Variants in CYTL1 observed in about 807,000 individuals in gnomAD.
The protein encoded by CYTL1 is cytokine like 1.
CYTL1 carries 17 observed loss-of-function variants against 13.1 expected under a neutral mutation model. The ratio of observed to expected loss-of-function variants is 1.29; its 90% confidence interval spans 0.89 to 1.94. The LOEUF (loss-of-function observed/expected upper bound fraction) is 1.94. CYTL1 is among the 30% of genes most tolerant of loss of function. CYTL1 has a pLI of 0.00. For synonymous variants in CYTL1, 91 were observed against 79.4 expected (o/e 1.15, Z -0.78); for missense variants, 213 against 174.8 (o/e 1.22, Z -1.23).
chr4:5,015,139 G>A lies in CYTL1; in HGVS notation c.*12C>T, dbSNP rs746816904. The A allele has an allele frequency of 4.3e-6, 7 of 1,611,870 alleles. No individual in the cohort carries two copies. In the African/African-American group the frequency reaches 9.3e-5, roughly 22 times the overall value. On this transcript the variant is annotated 3_prime_UTR_variant, in exon 4 of 4. Transcript: ENST00000307746. ...GTAGTTCTCTTGGGTTCTTTCTCTG[G>A]TCTCAGTTCCCTTAGCGCTGACGAT...
Position 5,014,863 on chromosome 4 carries a change from A to G in CYTL1, c.*288T>C. 1 of 380,634 alleles carries G rather than the reference A, an allele frequency of 2.6e-6. No homozygotes were observed. The highest frequency in any genetic ancestry group is 4.8e-6 in the Non-Finnish European group (1 of 207,822). 23.6% of individuals were successfully genotyped at this position (380,634 alleles called of 1,614,324 possible). A position where few individuals can be genotyped will look rare whatever the true frequency, so the allele number is the denominator to read the frequency against. On this transcript the variant is annotated 3_prime_UTR_variant, in exon 4 of 4. Transcript: ENST00000307746. ...TCAAAATAGTTGTTCATAAAAGTGA[A>G]GCTTGTTAGTCCTTTTCTTCTTTTT...
chr4:5,017,222 T>C (rs1577595837), intron 1 of CYTL1, 43 bp from the exon 2 acceptor site: 2 of 1,597,174 alleles, frequency 1.3e-6, no homozygotes, highest in East Asian at 2.2e-5. Context: ...CACAGGGGCA[T>C]ACCTGGTCAC....
In CYTL1 at chr4:5,019,003, C is replaced by CTTTTTTTTTTTTTTTTTTTTT. The variant is rs1186542271; in HGVS notation, c.153+269_153+289dup. 1.0e-4 allele frequency among the ~76,000 whole-genome samples: 9 copies of CTTTTTTTTTTTTTTTTTTTTT among 89,644 alleles called. 1 individual carries two copies. The highest frequency in any genetic ancestry group is 2.6e-4 in the African/African-American group (6 of 22,880). 58.8% of individuals were successfully genotyped at this position (89,644 alleles called of 152,430 possible). On this transcript the variant is annotated intron_variant, in intron 1 of 3. Coordinates refer to ENST00000307746, the MANE Select transcript of CYTL1 (RefSeq NM_018659.3). ...TCCCACTCCTTTTTTTTTCTTTTTT[C>CTTTTTTTTTTTTTTTTTTTTT]TTTTTTTTTTTTTTTTTTTTTTTTA... is the stretch of plus-strand genomic sequence containing the variant.
rs2108735110 is a variant in CYTL1 at position 5,019,319 on chromosome 4, T to G, written c.127A>C (p.Asn43His). 6.6e-7 allele frequency: 1 copy of G among 1,507,504 alleles called. No individual in the cohort carries two copies. Among genetic ancestry groups the G allele is most frequent in the Non-Finnish European group, 8.8e-7 (1 of 1,131,626 alleles). 93.4% of individuals were successfully genotyped at this position (1,507,504 alleles called of 1,614,324 possible). The change falls in exon 1 of 4, where the codon AAC (asparagine) becomes CAC (histidine). Residue 43 changes from asparagine to histidine, a missense_variant. Transcript: ENST00000307746. ...ALSQEITRDF[N>H]LLQVSEPSEP... The stretch of plus-strand genomic sequence containing the variant: ...GAGGGCTCCGAGACCTGCAGGAGGT[T>G]GAAGTCGCGGGTGATCTCCTGGCTC...
At chr4:5,019,245 G>A (rs11727228) in intron 1 of CYTL1, 48 bp downstream of exon 1, 2 of 1,367,684 alleles carry the variant, frequency 1.5e-6, no homozygotes, top group Non-Finnish European at 1.9e-6. Flanking sequence ...AAGGGTTTAA[G>A]AACTGGGTCT....
chr4:5,018,658 G>T (rs928345599), intron 1 of CYTL1, among the ~76,000 whole-genome samples: 1 of 152,184 alleles, frequency 6.6e-6, no homozygotes, highest in Non-Finnish European at 1.5e-5. Flanking sequence ...TCTGAAGATC[G>T]TGCTCACATC....
At chr4:5,019,153 CAA>C in intron 1 of CYTL1, 138 bp downstream of exon 1, 2 of 775,418 alleles carry the variant, frequency 2.6e-6, no homozygotes, top group Middle Eastern at 2.6e-4. Context: ...GAATAAAACA[CAA>C]ATACTCCTGA....
chr4:5,015,304 C>T, intron 3 of CYTL1, 70 bp from the exon 4 acceptor site: 1 of 1,222,226 alleles, frequency 8.2e-7, no homozygotes, highest in Non-Finnish European at 1.2e-6. Context: ...AACTGTAGGG[C>T]TCTTGGTTAT....
rs777869993 is a variant in CYTL1 at position 5,016,984 on chromosome 4, A to T, written c.199-20T>A. 1 of 1,613,994 alleles carries T rather than the reference A, an allele frequency of 6.2e-7. No individual in the cohort carries two copies. The highest frequency in any genetic ancestry group is 1.7e-5 in the Admixed American group (1 of 60,008). On this transcript the variant is annotated intron_variant, in intron 2 of 3. Coordinates refer to ENST00000307746, the MANE Select transcript of CYTL1 (RefSeq NM_018659.3). The stretch of plus-strand genomic sequence containing the variant: ...GTAATTCTGGGAGTGGGCAATGGGG[A>T]GGGGGCTTGTGGGAGAAGTCAGTAG...
chr4:5,017,677 A>G (rs1741104717), intron 1 of CYTL1, among the ~76,000 whole-genome samples: 1 of 151,228 alleles, frequency 6.6e-6, no homozygotes, highest in Non-Finnish European at 1.5e-5. Context: ...CAGTTGTATA[A>G]CTGCATGTAA....
At chr4:5,017,782 T>C (rs1406106998) in intron 1 of CYTL1, among the ~76,000 whole-genome samples, 1 of 152,172 alleles carries the variant, frequency 6.6e-6, no homozygotes, top group East Asian at 1.9e-4. Context: ...TTGTATATAG[T>C]GTATAATATA....
intron 1 of CYTL1, among the ~76,000 whole-genome samples, chr4:5,017,854 CGCAGG>C: frequency 6.6e-6 from 1 of 152,214 alleles, no homozygotes; most frequent in African/African-American, 2.4e-5. Flanking sequence ...TCCGTTTTTG[CGCAGG>C]GCTGAAGGGC....
In CYTL1 at chr4:5,015,186, G is replaced by T; in HGVS notation, c.376C>A (p.Pro126Thr). 1 of 1,613,978 alleles carries T rather than the reference G, an allele frequency of 6.2e-7. No individual in the cohort carries two copies. The highest frequency in any genetic ancestry group is 8.5e-7 in the Non-Finnish European group (1 of 1,179,970). ...DDCNALEYPI[P>T]VTTVLPDRQR is the part of the protein sequence containing the mutation. ...CGATCTGGCAGGACCGTAGTCACTG[G>T]GATTGGGTATTCCAAGGCATTGCAG... is the stretch of plus-strand genomic sequence containing the variant. Residue 126 changes from proline to threonine, a missense_variant, in exon 4 of 4, where the codon CCA (proline) becomes ACA (threonine). By Grantham distance (38) the Pro-to-Thr change is conservative. Coordinates refer to ENST00000307746, the MANE Select transcript of CYTL1 (RefSeq NM_018659.3).
At position 5,019,283 on chromosome 4, in the gene CYTL1, G is replaced by T. The variant is rs755359105; in HGVS notation, c.153+10C>A. 5 of 1,477,636 alleles carry T rather than the reference G, an allele frequency of 3.4e-6. No individual in the cohort carries two copies. The highest frequency in any genetic ancestry group is 4.5e-6 in the Non-Finnish European group (5 of 1,117,372). 91.5% of individuals were successfully genotyped at this position (1,477,636 alleles called of 1,614,324 possible). A position where few individuals can be genotyped will look rare whatever the true frequency, so the allele number is the denominator to read the frequency against. ...CATGCACCCCTGTCCTGAGCGGGCG[G>T]GGGACTCACCGAGGGCTCCGAGACC... On this transcript the variant is annotated intron_variant, in intron 1 of 3. Transcript: ENST00000307746.
At chr4:5,019,019 T>TC (rs1741138844) in intron 1 of CYTL1, among the ~76,000 whole-genome samples, 1 of 145,336 alleles carries the variant, frequency 6.9e-6, no homozygotes, top group Admixed American at 6.8e-5. Context: ...TTTTTTTTTT[T>TC]TTTTTTTTAC....
At position 5,019,448 on chromosome 4, in the gene CYTL1, T is replaced by C; in HGVS notation, c.-3A>G. 1 of 1,459,484 alleles carries C rather than the reference T, an allele frequency of 6.9e-7. No homozygotes were observed. The highest frequency in any genetic ancestry group is 9.0e-7 in the Non-Finnish European group (1 of 1,114,170). The allele number at this position is 1,459,484 out of a possible 1,614,324, so 90.4% of individuals were successfully genotyped here. ...GGCAGAGGCCCAGGCGTCCTCATGGTGCCAGGCGCTGGTGCAGCCTCGCCG... is the reference window on the plus strand; with the variant it reads ...GGCAGAGGCCCAGGCGTCCTCATGGCGCCAGGCGCTGGTGCAGCCTCGCCG... On this transcript the variant is annotated 5_prime_UTR_variant, in exon 1 of 4. Coordinates refer to ENST00000307746, the MANE Select transcript of CYTL1 (RefSeq NM_018659.3).
At chr4:5,016,715 C>T in intron 3 of CYTL1, 121 bp downstream of exon 3, 2 of 1,272,866 alleles carry the variant, frequency 1.6e-6, no homozygotes, top group East Asian at 4.6e-5. Flanking sequence ...CTGAAAGCAT[C>T]TGCGAAACAT....
rs777555516 is a variant in CYTL1, at chr4:5,015,196, T to G, written c.366A>C (p.Glu122Asp). 8.7e-6 allele frequency: 14 copies of G among 1,613,958 alleles called. No homozygotes were observed. In the South Asian group the frequency reaches 1.5e-4, roughly 18 times the overall value. Residue 122 changes from glutamate (E) to aspartate (D), a missense_variant, in exon 4 of 4, where the codon GAA becomes GAC. By Grantham distance (45) the Glu-to-Asp change is conservative. Coordinates refer to ENST00000307746, the MANE Select transcript of CYTL1 (RefSeq NM_018659.3). The part of the protein sequence containing the change: ...VFLLDDCNAL[E>D]YPIPVTTVLP... ...GGACCGTAGTCACTGGGATTGGGTA[T>G]TCCAAGGCATTGCAGTCATCCAACA...
chr4:5,017,565 T>C (rs1320465782), intron 1 of CYTL1, among the ~76,000 whole-genome samples: 1 of 151,428 alleles, frequency 6.6e-6, no homozygotes, highest in Admixed American at 6.6e-5. Context: ...AAAACAGTTC[T>C]ATAACTATTT....
Sources: gnomAD v4.1 joint callset for allele counts (sites outside exome capture counted in the v4.1 genomes callset) on GRCh38, gnomAD v4.1.1 for gene constraint, MANE v1.5 for transcripts, NCBI Gene and HGNC (gene_info 2026-07-23, HGNC 2026-07-21) for gene names.